The following UHRF2 variants were observed in gnomAD, a reference collection of about 807,000 sequenced individuals.
The protein encoded by UHRF2 is E3 ubiquitin-protein ligase UHRF2.
A neutral mutation model predicts 96.8 loss-of-function variants in UHRF2; 23 were observed. That is an observed-to-expected ratio of 0.24 (90% CI 0.17 to 0.34). The LOEUF (loss-of-function observed/expected upper bound fraction) is 0.34, where lower values mean the gene tolerates loss of function less well. Ranked by LOEUF, UHRF2 falls within the 10% of genes least tolerant of loss-of-function variation. The pLI, the probability that UHRF2 is intolerant of heterozygous loss-of-function variation, is 1.00. For missense variants in UHRF2, 685 were observed against 981.5 expected, an observed-to-expected ratio of 0.70 and a Z score of 4.04; for synonymous variants, 385 against 332.6, an observed-to-expected ratio of 1.16 and a Z score of -1.72.
In UHRF2 at chr9:6,506,124, A is replaced by G. The variant is rs1360843358; in HGVS notation, c.2354A>G (p.Glu785Gly). ...CAGAATTACATCATGATTCCCAATG[A>G]GATTCTGCAGACTCTACTTGACCTT... is the stretch of plus-strand genomic sequence containing the variant. ...LGQNYIMIPN[E>G]ILQTLLDLFF... is the part of the protein sequence containing the mutation. The change falls in exon 16 of 16, where the codon GAG (glutamate) becomes GGG (glycine). Residue 785 changes from glutamate to glycine, a missense_variant. By Grantham distance (98) the Glu-to-Gly change is moderately conservative. Around this residue, in one of 6 missense-constraint regions of UHRF2, gnomAD observed 71 missense variants for 114.1 expected, o/e 0.62. Coordinates refer to ENST00000276893, the MANE Select transcript of UHRF2 (RefSeq NM_152896.3). The G allele has an allele frequency of 6.2e-7, 1 of 1,614,036 alleles. No individual in the cohort carries two copies. Among genetic ancestry groups the G allele is most frequent in the East Asian group, 2.2e-5 (1 of 44,892 alleles).
intron 3 of UHRF2, among the ~76,000 whole-genome samples, chr9:6,453,100 G>C (rs1351193526): frequency 6.6e-6 from 1 of 152,058 alleles, no homozygotes; most frequent in Non-Finnish European, 1.5e-5. Context: ...ATGTGTATGA[G>C]TACAGATAGA....
chr9:6,452,441 T>C (rs1398020250), intron 3 of UHRF2, among the ~76,000 whole-genome samples: 2 of 152,232 alleles, frequency 1.3e-5, no homozygotes, highest in African/African-American at 4.8e-5. Flanking sequence ...CCATAGCCTG[T>C]CAACAAATTG....
intron 3 of UHRF2, among the ~76,000 whole-genome samples, chr9:6,446,171 T>A (rs968988856): frequency 3.3e-5 from 5 of 151,270 alleles, no homozygotes; most frequent in South Asian, 2.1e-4. Flanking sequence ...TTTTTTTTTT[T>A]TATACAGTCT....
intron 2 of UHRF2, among the ~76,000 whole-genome samples, chr9:6,421,552 G>A (rs1819930532): frequency 1.3e-5 from 2 of 152,106 alleles, no homozygotes; most frequent in Admixed American, 1.3e-4. Context: ...GATTAGCTGG[G>A]ATTACAGACG....
At chr9:6,458,593 A>G (rs1015186630) in intron 3 of UHRF2, among the ~76,000 whole-genome samples, 4 of 151,874 alleles carry the variant, frequency 2.6e-5, no homozygotes, top group African/African-American at 9.7e-5. Flanking sequence ...AGAGGATGTG[A>G]AGAAATAGGA....
chr9:6,424,052 G>A (rs1820095795), intron 2 of UHRF2, among the ~76,000 whole-genome samples: 1 of 152,138 alleles, frequency 6.6e-6, no homozygotes, highest in Non-Finnish European at 1.5e-5. Flanking sequence ...AGACGAGCTA[G>A]ACAAGGAAGC....
At chr9:6,500,081 A>C in intron 13 of UHRF2, 150 bp downstream of exon 13, 1 of 569,416 alleles carries the variant, frequency 1.8e-6, no homozygotes. Flanking sequence ...CAAGCGATCC[A>C]CCTACCTCAA....
At chr9:6,472,157 G>A (rs2130882627) in intron 4 of UHRF2, among the ~76,000 whole-genome samples, 1 of 152,164 alleles carries the variant, frequency 6.6e-6, no homozygotes, top group African/African-American at 2.4e-5. Context: ...TGTAGCATTG[G>A]TCCCAGACCA....
intron 14 of UHRF2, among the ~76,000 whole-genome samples, chr9:6,504,029 T>C (rs1816447940): frequency 7.1e-6 from 1 of 140,976 alleles, no homozygotes; most frequent in South Asian, 2.3e-4. Context: ...TTTTTTTTTT[T>C]TTTTTTTTTT....
chr9:6,468,048 G>A (rs1264544410), intron 4 of UHRF2, among the ~76,000 whole-genome samples: 1 of 152,058 alleles, frequency 6.6e-6, no homozygotes, highest in African/African-American at 2.4e-5. Flanking sequence ...ACCATTTAGT[G>A]TCCCAGCTTT....
chr9:6,444,221 A>G (rs949952716), intron 3 of UHRF2, among the ~76,000 whole-genome samples: 4 of 152,244 alleles, frequency 2.6e-5, no homozygotes, highest in African/African-American at 9.6e-5. Context: ...CCCTGGTAAA[A>G]TAACCTGTCT....
chr9:6,475,106 C>G (rs1563788092), intron 4 of UHRF2, among the ~76,000 whole-genome samples: 1 of 152,136 alleles, frequency 6.6e-6, no homozygotes, highest in African/African-American at 2.4e-5. Context: ...TTTTAATTGA[C>G]AGAGTGCCAT....
At position 6,477,942 on chromosome 9, in the gene UHRF2, G is replaced by A. The variant is rs531980373; in HGVS notation, c.1160+134G>A. On this transcript the variant is annotated intron_variant, in intron 6 of 15. Transcript: ENST00000276893. The stretch of plus-strand genomic sequence containing the variant: ...AAATGTTATGGCCAGTGGTTACTTA[G>A]CATTCATAGCTCTATTCAATTACTG... 3.0e-5 allele frequency: 21 copies of A among 696,528 alleles called. No individual in the cohort carries two copies. The South Asian group carries it at 4.7e-4, about 16-fold the overall frequency. The allele number at this position is 696,528 out of a possible 1,614,324, so 43.1% of individuals were successfully genotyped here. A position where few individuals can be genotyped will look rare whatever the true frequency, so the allele number is the denominator to read the frequency against.
At chr9:6,450,104 G>A (rs1351925581) in intron 3 of UHRF2, among the ~76,000 whole-genome samples, 1 of 152,092 alleles carries the variant, frequency 6.6e-6, no homozygotes, top group Admixed American at 6.5e-5. Flanking sequence ...GAACAGACTT[G>A]GAAACACTGA....
At chr9:6,484,380 G>A (rs914384405) in intron 8 of UHRF2, among the ~76,000 whole-genome samples, 62 of 151,346 alleles carry the variant, frequency 4.1e-4, no homozygotes, top group African/African-American at 1.4e-3. Flanking sequence ...GGTGGCAGGT[G>A]TGGCAGCAGC....
At chr9:6,497,384 T>C in intron 11 of UHRF2, 24 bp downstream of exon 11, 2 of 1,608,396 alleles carry the variant, frequency 1.2e-6, no homozygotes, top group Non-Finnish European at 1.7e-6. Flanking sequence ...CATGACATCT[T>C]GTTTGTCATT....
rs114390367 is a variant in UHRF2 at position 6,470,096 on chromosome 9, C to A, written c.864-5295C>A. On this transcript the variant is annotated intron_variant, in intron 4 of 15. Coordinates refer to ENST00000276893, the MANE Select transcript of UHRF2 (RefSeq NM_152896.3). Reference sequence around the variant, plus strand: ...TAATTTAAAAACATTCCCAGCTGGGCGTGGTGGCTCACGCCTATATAATCG... The same window carrying A: ...TAATTTAAAAACATTCCCAGCTGGGAGTGGTGGCTCACGCCTATATAATCG... Among the ~76,000 whole-genome samples the A allele has an allele frequency of 1.5e-3, 231 of 152,242 alleles. 1 individual carries two copies. Among genetic ancestry groups the A allele is most frequent in the African/African-American group, 5.3e-3 (222 of 41,560 alleles).
intron 9 of UHRF2, among the ~76,000 whole-genome samples, chr9:6,487,177 T>TATTTTTTATTTTTTATTTTTTTTA (rs371548870): frequency 6.9e-6 from 1 of 144,402 alleles, no homozygotes; most frequent in African/African-American, 2.6e-5. Flanking sequence ...TTTTATTTTT[T>TATTTTTTATTTTTTATTTTTTTTA]TTTCCTTTTT....
chr9:6,499,637 G>C (rs1293937728), intron 12 of UHRF2, 198 bp from the exon 13 acceptor site: 1 of 394,348 alleles, frequency 2.5e-6, no homozygotes, highest in African/African-American at 2.1e-5. Context: ...AGCAGTCACA[G>C]CTACATAAAT....
Sources: gnomAD v4.1 joint callset for allele counts (sites outside exome capture counted in the v4.1 genomes callset) on GRCh38, gnomAD v4.1.1 for gene constraint, gnomAD v4.1.1 regional missense constraint, MANE v1.5 for transcripts, NCBI Gene and HGNC (gene_info 2026-07-23, HGNC 2026-07-21) for gene names.